LRP1B: variants seen among roughly 807,000 people sequenced by gnomAD.
LRP1B encodes the protein low-density lipoprotein receptor-related protein 1B.
Under a neutral mutation model 556.6 loss-of-function variants are expected in LRP1B, and 217 were observed. The ratio of observed to expected loss-of-function variants is 0.39; its 90% CI spans 0.35 to 0.44. The LOEUF (loss-of-function observed/expected upper bound fraction) is 0.44, where lower values mean the gene tolerates loss of function less well. Among genes scored for constraint, LRP1B ranks in the 20% least tolerant of loss-of-function variants. The pLI, the probability that LRP1B is intolerant of heterozygous loss-of-function variation, is 1.00. For synonymous variants in LRP1B, 2,047 were observed against 1,865.8 expected (o/e 1.10, Z -2.50); for missense variants, 5,053 against 5,620.8 (o/e 0.90, Z 3.23).
chr2:140,819,805 G>C (rs1429330), intron 31 of LRP1B, among the ~76,000 whole-genome samples: 69,184 of 151,922 alleles, frequency 0.46, 17,491 homozygotes, highest in East Asian at 0.66. Context: ...TGCCAACAAG[G>C]ATACAGAGAA....
intron 35 of LRP1B, among the ~76,000 whole-genome samples, chr2:140,753,175 G>A (rs909605852): frequency 3.9e-5 from 6 of 152,010 alleles, no homozygotes; most frequent in Non-Finnish European, 8.8e-5. Context: ...AATTTTTCCA[G>A]TTTAGATCAA....
chr2:140,606,106 G>A (rs533328167), intron 41 of LRP1B, among the ~76,000 whole-genome samples: 10 of 151,994 alleles, frequency 6.6e-5, no homozygotes, highest in African/African-American at 2.4e-4. Context: ...ATCACTATTT[G>A]CAGATGGCAA....
rs1574059194 is a variant in LRP1B, at chr2:140,541,065, C to A, written c.7421G>T (p.Gly2474Val). The change falls in exon 45 of 91, where the codon GGC becomes GTC. Residue 2474 changes from glycine (G) to valine (V), a missense_variant. Gly to Val is a moderately radical substitution (Grantham distance 109). This residue lies in a region of LRP1B where 3,619 missense variants were observed against 3,931.9 expected (regional missense o/e 0.92). Transcript: ENST00000389484. ...AGTTAAAAGGCACAAGTCATGGCAG[C>A]CTCCATTCAATAATGCACATGGAGA... is the stretch of plus-strand genomic sequence containing the variant. ...ELSPCALLNG[G>V]CHDLCLLTPN... 6.2e-7 allele frequency: 1 copy of A among 1,610,920 alleles called. No individual in the cohort carries two copies. The highest frequency in any genetic ancestry group is 8.5e-7 in the Non-Finnish European group (1 of 1,177,754).
intron 14 of LRP1B, among the ~76,000 whole-genome samples, chr2:141,006,742 A>G (rs1697587237): frequency 6.6e-6 from 1 of 152,052 alleles, no homozygotes; most frequent in Non-Finnish European, 1.5e-5. Flanking sequence ...TATATATCAT[A>G]TATTTCTTCT....
At chr2:141,260,361 G>A (rs187773821) in intron 3 of LRP1B, among the ~76,000 whole-genome samples, 16 of 152,192 alleles carry the variant, frequency 1.1e-4, no homozygotes. Context: ...GGGCTGTTTT[G>A]CTTTGTAACA....
At chr2:142,029,518 TACAA>T (rs1246083475) in intron 1 of LRP1B, among the ~76,000 whole-genome samples, 2 of 151,876 alleles carry the variant, frequency 1.3e-5, no homozygotes, top group African/African-American at 2.4e-5. Context: ...TATTTCTATA[TACAA>T]ACAAACACAC....
At chr2:140,475,542 T>G (rs1323874661) in intron 59 of LRP1B, among the ~76,000 whole-genome samples, 1 of 150,828 alleles carries the variant, frequency 6.6e-6, no homozygotes, top group Non-Finnish European at 1.5e-5. Context: ...CTTATAACTT[T>G]AAACATATGT....
rs760768558 is a variant in LRP1B at position 140,282,915 on chromosome 2, TAAG to T, written c.12968-8320_12968-8318del. Among the ~76,000 whole-genome samples the T allele has an allele frequency of 2.6e-5, 4 of 151,888 alleles. No homozygotes were observed. In the East Asian group the frequency reaches 5.8e-4, roughly 22 times the overall value. ...TCAACTCTGGGTCACTCTAAGCAAA[TAAG>T]AAACCAAAATAATAGCCGAGAAATC... On this transcript the variant is annotated intron_variant, in intron 84 of 90. Transcript: ENST00000389484.
chr2:140,539,360 G>T (rs947409777), intron 45 of LRP1B, among the ~76,000 whole-genome samples: 6 of 152,090 alleles, frequency 3.9e-5, no homozygotes, highest in Admixed American at 6.6e-5. Flanking sequence ...TAATCTCTCT[G>T]CTGGGCTACA....
chr2:141,122,418 A>C (rs1701080557), intron 7 of LRP1B, among the ~76,000 whole-genome samples: 1 of 141,638 alleles, frequency 7.1e-6, no homozygotes, highest in South Asian at 2.3e-4. Flanking sequence ...AAAAAAAAAA[A>C]AACATCAAAA....
intron 34 of LRP1B, 39 bp from the exon 35 acceptor site, chr2:140,769,383 C>T (rs2104935300): frequency 1.3e-6 from 2 of 1,525,988 alleles, no homozygotes; most frequent in African/African-American, 1.4e-5. Context: ...GAAGGGAAGC[C>T]CAGAATGAAT....
chr2:140,891,849 T>A (rs1359562298), intron 23 of LRP1B, among the ~76,000 whole-genome samples: 1 of 152,152 alleles, frequency 6.6e-6, no homozygotes, highest in Non-Finnish European at 1.5e-5. Flanking sequence ...AATTTTTTGT[T>A]TCTCTCTTAG....
chr2:141,939,826 T>C (rs1408328966), intron 1 of LRP1B, among the ~76,000 whole-genome samples: 1 of 152,080 alleles, frequency 6.6e-6, no homozygotes, highest in Non-Finnish European at 1.5e-5. Flanking sequence ...AATAAGGTAT[T>C]TTCCCCTCTG....
chr2:141,600,631 A>C (rs1687694595), intron 2 of LRP1B, among the ~76,000 whole-genome samples: 1 of 152,174 alleles, frequency 6.6e-6, no homozygotes, highest in Admixed American at 6.5e-5. Context: ...GAGCAGGAAA[A>C]GTCAATGTCT....
chr2:141,697,618 G>A (rs1267457583), intron 2 of LRP1B, among the ~76,000 whole-genome samples: 1 of 151,938 alleles, frequency 6.6e-6, no homozygotes, highest in East Asian at 1.9e-4. Context: ...AATGTCATAT[G>A]GAACTTGTAT....
intron 77 of LRP1B, among the ~76,000 whole-genome samples, chr2:140,337,754 C>T (rs1315800553): frequency 6.6e-6 from 1 of 151,722 alleles, no homozygotes; most frequent in Non-Finnish European, 1.5e-5. Flanking sequence ...ATGTTTACAC[C>T]TTATTTTCAA....
intron 51 of LRP1B, among the ~76,000 whole-genome samples, chr2:140,512,753 A>C (rs558403349): frequency 6.6e-6 from 1 of 152,272 alleles, no homozygotes; most frequent in Admixed American, 6.5e-5. Flanking sequence ...AATATTTTGA[A>C]TTGGAAATTG....
chr2:140,605,862 A>G (rs1682849705), intron 41 of LRP1B, among the ~76,000 whole-genome samples: 1 of 152,114 alleles, frequency 6.6e-6, no homozygotes, highest in Non-Finnish European at 1.5e-5. Flanking sequence ...TCAACTTGAT[A>G]AAAGGAATAC....
intron 2 of LRP1B, among the ~76,000 whole-genome samples, chr2:141,504,698 T>C (rs990317360): frequency 2.0e-5 from 3 of 152,080 alleles, no homozygotes; most frequent in East Asian, 1.9e-4. Flanking sequence ...ACTCAAGGGA[T>C]TGAGTTCTTA....
Sources: gnomAD v4.1 joint callset for allele counts (sites outside exome capture counted in the v4.1 genomes callset) on GRCh38, gnomAD v4.1.1 for gene constraint, gnomAD v4.1.1 regional missense constraint, MANE v1.5 for transcripts, NCBI Gene and HGNC (gene_info 2026-07-23, HGNC 2026-07-21) for gene names.